Variants in MYO1E observed in about 807,000 individuals in gnomAD.
MYO1E encodes unconventional myosin-Ie.
A neutral mutation model predicts 151.1 loss-of-function variants in MYO1E; 68 were observed. The observed-to-expected ratio is 0.45, with a 90% CI of 0.37 to 0.55. The LOEUF is 0.55. Ranked by LOEUF, MYO1E falls within the 20% of genes least tolerant of loss-of-function variation. MYO1E has a pLI of 0.00. For missense variants in MYO1E, 1,363 were observed against 1,389.3 expected (o/e 0.98, Z 0.30); for synonymous variants, 601 against 501.7 (o/e 1.20, Z -2.64).
chr15:59,314,328 G>A (rs1425625295), intron 1 of MYO1E, among the ~76,000 whole-genome samples: 1 of 152,348 alleles, frequency 6.6e-6, no homozygotes, highest in African/African-American at 2.4e-5. Context: ...GAACTTCTGG[G>A]AAGTGAAGAT....
chr15:59,273,077 G>T (rs2080297324), intron 1 of MYO1E, among the ~76,000 whole-genome samples: 1 of 152,192 alleles, frequency 6.6e-6, no homozygotes, highest in Admixed American at 6.5e-5. Flanking sequence ...TTTTATGACT[G>T]ATCACTGCTC....
At chr15:59,258,784 G>C (rs1384441652) in intron 3 of MYO1E, among the ~76,000 whole-genome samples, 1 of 151,982 alleles carries the variant, frequency 6.6e-6, no homozygotes, top group African/African-American at 2.4e-5. Flanking sequence ...TTGAGTCCTG[G>C]AGGTGGAGGT....
chr15:59,147,730 A>G (rs1418907984), intron 26 of MYO1E, among the ~76,000 whole-genome samples: 1 of 151,850 alleles, frequency 6.6e-6, no homozygotes, highest in East Asian at 1.9e-4. Context: ...GATTATTACC[A>G]TTACTGCAGA....
Position 59,188,215 on chromosome 15 carries a change from C to G in MYO1E, c.1807G>C (p.Val603Leu). 1 of 1,613,362 alleles carries G rather than the reference C, an allele frequency of 6.2e-7. No individual in the cohort carries two copies. Among genetic ancestry groups the G allele is most frequent in the Non-Finnish European group, 8.5e-7 (1 of 1,179,434 alleles). ...CCCAAATATTCGACTTGATGCTTTA[C>G]CCTGTGCAAAGGAGAAAATGGGGCC... ...KKPRDWEESR[V>L]KHQVEYLGLK... is the part of the protein sequence containing the mutation. Residue 603 changes from valine (V) to leucine (L), a missense_variant and splice_region_variant, in exon 18 of 28, where the codon GTA (valine) becomes CTA (leucine). Physicochemically the swap from Val to Leu is conservative, Grantham distance 32. Transcript: ENST00000288235.
At chr15:59,305,032 C>CACCT (rs1367060240) in intron 1 of MYO1E, among the ~76,000 whole-genome samples, 1 of 152,186 alleles carries the variant, frequency 6.6e-6, no homozygotes, top group Admixed American at 6.5e-5. Flanking sequence ...GAGCTGTGAG[C>CACCT]ACCTGACCAG....
chr15:59,287,616 A>G (rs1046175384), intron 1 of MYO1E, among the ~76,000 whole-genome samples: 2 of 152,228 alleles, frequency 1.3e-5, no homozygotes. Context: ...TTTTGTGATA[A>G]AGATAATGAG....
At chr15:59,263,454 G>A (rs936585987) in intron 2 of MYO1E, among the ~76,000 whole-genome samples, 1 of 152,104 alleles carries the variant, frequency 6.6e-6, no homozygotes, top group African/African-American at 2.4e-5. Flanking sequence ...AACATGCCAG[G>A]TGCTGTTTTA....
chr15:59,275,435 T>TCTCTCCCTCCCTGTCTCCCTTCCCC (rs2080312818), intron 1 of MYO1E, among the ~76,000 whole-genome samples: 2 of 151,940 alleles, frequency 1.3e-5, no homozygotes, highest in Admixed American at 6.6e-5. Flanking sequence ...CTCCCTTCCC[T>TCTCTCCCTCCCTGTCTCCCTTCCCC]GTCTCTCCCT....
chr15:59,154,058 A>G (rs763939138), intron 25 of MYO1E, among the ~76,000 whole-genome samples: 1 of 152,240 alleles, frequency 6.6e-6, no homozygotes, highest in Non-Finnish European at 1.5e-5. Context: ...TGCATGGTCA[A>G]CTTCCCGGGA....
chr15:59,237,786 C>G (rs901098253), intron 4 of MYO1E, among the ~76,000 whole-genome samples: 4 of 152,204 alleles, frequency 2.6e-5, no homozygotes, highest in Non-Finnish European at 5.9e-5. Flanking sequence ...AGGTGACACT[C>G]CTATTCCCAA....
chr15:59,258,594 T>A (rs541103766), intron 3 of MYO1E, among the ~76,000 whole-genome samples: 2 of 152,350 alleles, frequency 1.3e-5, no homozygotes, highest in Non-Finnish European at 2.9e-5. Flanking sequence ...GGCTAATGCC[T>A]GTAATCCCAG....
At chr15:59,182,313 A>G (rs2079666705) in intron 18 of MYO1E, among the ~76,000 whole-genome samples, 1 of 152,018 alleles carries the variant, frequency 6.6e-6, no homozygotes, top group African/African-American at 2.4e-5. Flanking sequence ...CCCGGGTTCA[A>G]GCGATTCTCC....
intron 1 of MYO1E, among the ~76,000 whole-genome samples, chr15:59,323,368 T>C (rs190074313): frequency 2.7e-4 from 41 of 151,894 alleles, no homozygotes; most frequent in Admixed American, 2.6e-3. Context: ...TTAAGGGTGA[T>C]ATGGGCCAGG....
intron 6 of MYO1E, among the ~76,000 whole-genome samples, chr15:59,228,016 T>C (rs1287690558): frequency 1.3e-5 from 2 of 152,228 alleles, no homozygotes; most frequent in Non-Finnish European, 2.9e-5. Context: ...TCTAAAATGT[T>C]TATCTAGAAC....
At chr15:59,208,175 A>C in intron 14 of MYO1E, 1 of 1,218,328 alleles carries the variant, frequency 8.2e-7, no homozygotes, top group Non-Finnish European at 1.1e-6. Flanking sequence ...TGAATTCCTA[A>C]AAGATGGAAA....
rs540661494 is a variant in MYO1E at position 59,276,514 on chromosome 15, G to A, written c.4-4065C>T. Among the ~76,000 whole-genome samples the A allele has an allele frequency of 3.9e-5, 6 of 152,212 alleles. No homozygotes were observed. The South Asian group carries it at 8.3e-4, about 21-fold the overall frequency. ...CCTGACACTTCCTACAAATTATGAC[G>A]GAGAAATTTCCATTAGATAGAGATT... On this transcript the variant is annotated intron_variant, in intron 1 of 27. Coordinates refer to ENST00000288235, the MANE Select transcript of MYO1E (RefSeq NM_004998.4).
chr15:59,139,462 T>C (rs1392966193), intron 26 of MYO1E, among the ~76,000 whole-genome samples: 2 of 146,554 alleles, frequency 1.4e-5, no homozygotes, highest in Non-Finnish European at 3.0e-5. Flanking sequence ...CACTTTCCTT[T>C]CACCCGCTCA....
rs1436598527 is a variant in MYO1E at position 59,137,543 on chromosome 15, G to C, written c.3251-87C>G. The C allele has an allele frequency of 3.7e-6, 4 of 1,079,618 alleles. No individual in the cohort carries two copies. In the Admixed American group the frequency reaches 5.1e-5, roughly 14 times the overall value. The allele number at this position is 1,079,618 out of a possible 1,614,324, so 66.9% of individuals were successfully genotyped here. ...ACACTCCGCTCCCATGGGCTCAAGT[G>C]ATTTGGCTCCATCCATGTTGTTTTC... On this transcript the variant is annotated intron_variant, in intron 27 of 27. Transcript: ENST00000288235.
At chr15:59,148,139 A>G (rs1407528693) in intron 26 of MYO1E, among the ~76,000 whole-genome samples, 1 of 152,266 alleles carries the variant, frequency 6.6e-6, no homozygotes, top group African/African-American at 2.4e-5. Flanking sequence ...GGTTTTCAAA[A>G]TTATTATATT....
Sources: gnomAD v4.1 joint callset for allele counts (sites outside exome capture counted in the v4.1 genomes callset) on GRCh38, gnomAD v4.1.1 for gene constraint, MANE v1.5 for transcripts, NCBI Gene and HGNC (gene_info 2026-07-23, HGNC 2026-07-21) for gene names.